The following ZNF407 variants were observed in gnomAD, a reference collection of about 807,000 sequenced individuals.
The protein encoded by ZNF407 is zinc finger protein 407.
In ZNF407, 17 loss-of-function variants were observed where a neutral mutation model predicts 131.2. The ratio of observed to expected loss-of-function variants is 0.13; its 90% CI spans 0.09 to 0.19. The LOEUF (loss-of-function observed/expected upper bound fraction) is 0.19, where lower values mean the gene tolerates loss of function less well. ZNF407 is among the 10% of genes least tolerant of loss of function. ZNF407 has a pLI of 1.00. For synonymous variants in ZNF407, 1,156 were observed against 1,062.0 expected (o/e 1.09, Z -1.72); for missense variants, 2,681 against 2,830.6 (o/e 0.95, Z 1.20).
At position 74,952,238 on chromosome 18, in the gene ZNF407, C is replaced by G. The variant is rs201240105; in HGVS notation, c.5428+31546C>G. On this transcript the variant is annotated intron_variant, in intron 8 of 8. Transcript: ENST00000299687. Reference sequence around the variant, plus strand: ...AGTGAATTTCCTCAAATTTATGATACTCTCTATGAACCTTTGGTAGCTAAT... The same window carrying G: ...AGTGAATTTCCTCAAATTTATGATAGTCTCTATGAACCTTTGGTAGCTAAT... Among the ~76,000 whole-genome samples the G allele has an allele frequency of 9.8e-5, 15 of 152,316 alleles. No homozygotes were observed. The East Asian group carries it at 2.9e-3, about 29-fold the overall frequency.
intron 8 of ZNF407, among the ~76,000 whole-genome samples, chr18:74,942,836 T>C (rs1172080178): frequency 6.6e-6 from 1 of 152,242 alleles, no homozygotes; most frequent in East Asian, 1.9e-4. Context: ...GAGAATCCAC[T>C]TCTTTTCGAG....
At chr18:74,800,939 AACAG>A (rs1383259445) in intron 4 of ZNF407, among the ~76,000 whole-genome samples, 4 of 152,146 alleles carry the variant, frequency 2.6e-5, no homozygotes, top group Non-Finnish European at 4.4e-5. Flanking sequence ...ATAGCTTGTT[AACAG>A]ACAGATTCAT....
intron 1 of ZNF407, among the ~76,000 whole-genome samples, chr18:74,602,964 G>T (rs748730086): frequency 6.6e-6 from 1 of 151,008 alleles, no homozygotes; most frequent in Non-Finnish European, 1.5e-5. Flanking sequence ...CCCTGAGCAT[G>T]CCCAGGTGTG....
intron 8 of ZNF407, among the ~76,000 whole-genome samples, chr18:75,019,827 G>GGA (rs367722392): frequency 4.6e-5 from 7 of 151,844 alleles, no homozygotes; most frequent in Non-Finnish European, 1.0e-4. Flanking sequence ...CATGGTGGCA[G>GGA]GAGAGAGAGA....
rs146950123 is a variant in ZNF407 at position 75,022,920 on chromosome 18, G to A, written c.5429-40230G>A. Among the ~76,000 whole-genome samples the A allele has an allele frequency of 2.5e-3, 379 of 152,218 alleles. 1 individual carries two copies. Among genetic ancestry groups the A allele is most frequent in the Non-Finnish European group, 4.7e-3 (320 of 68,020 alleles). On this transcript the variant is annotated intron_variant, in intron 8 of 8. Coordinates refer to ENST00000299687, the MANE Select transcript of ZNF407 (RefSeq NM_017757.3). ...GCACTATTAACAATAGCAAAGACAC[G>A]GAGTTGACCCAGATGCTCATCAGTG...
At chr18:74,992,431 G>C (rs1025040782) in intron 8 of ZNF407, among the ~76,000 whole-genome samples, 5 of 152,156 alleles carry the variant, frequency 3.3e-5, no homozygotes, top group African/African-American at 1.2e-4. Flanking sequence ...TAGAGAACTC[G>C]TTGTGGGTCC....
chr18:74,639,046 G>A (rs930135025), intron 2 of ZNF407, among the ~76,000 whole-genome samples: 1 of 152,138 alleles, frequency 6.6e-6, no homozygotes, highest in Non-Finnish European at 1.5e-5. Context: ...CCATGATTCT[G>A]GGTGAAGCAG....
Position 74,690,076 on chromosome 18 carries a change from G to A in ZNF407, c.4802+48954G>A, listed in dbSNP as rs546455418. On this transcript the variant is annotated intron_variant, in intron 3 of 8. Transcript: ENST00000299687. ...CTAAAAAAAAGCTAAATTGCCAAAC[G>A]CTTGTGATGTTATCTTGGATCAATA... is the stretch of plus-strand genomic sequence containing the variant. 2.0e-3 allele frequency among the ~76,000 whole-genome samples: 306 copies of A among 152,208 alleles called. 1 individual carries two copies. The highest frequency in any genetic ancestry group is 2.8e-3 in the Non-Finnish European group (192 of 68,006).
chr18:74,931,955 A>T (rs1290539060), intron 8 of ZNF407, among the ~76,000 whole-genome samples: 1 of 152,112 alleles, frequency 6.6e-6, no homozygotes, highest in East Asian at 1.9e-4. Flanking sequence ...ATGATTTGCA[A>T]ATATTTTCTC....
At chr18:74,658,141 C>G (rs1415778494) in intron 3 of ZNF407, among the ~76,000 whole-genome samples, 2 of 150,296 alleles carry the variant, frequency 1.3e-5, no homozygotes, top group Non-Finnish European at 3.0e-5. Flanking sequence ...GAGACGGAGC[C>G]TCGCTCTGTA....
chr18:74,634,488 A>C lies in ZNF407; in HGVS notation c.3469A>C (p.Asn1157His), dbSNP rs1192031257. Residue 1157 changes from asparagine to histidine, a missense_variant, in exon 2 of 9, where the codon AAT becomes CAT. Around this residue, in one of 6 missense-constraint regions of ZNF407, gnomAD observed 1,789 missense variants for 1,748.7 expected, o/e 1.02. Coordinates refer to ENST00000299687, the MANE Select transcript of ZNF407 (RefSeq NM_017757.3). ...SVEVETEEES[N>H]FNEDHSFCET... is the part of the protein sequence containing the mutation. ...AGAAGTTGAGACTGAAGAAGAATCT[A>C]ATTTCAATGAAGACCATTCCTTTTG... 1.9e-6 allele frequency: 3 copies of C among 1,613,822 alleles called. No individual in the cohort carries two copies. Among genetic ancestry groups the C allele is most frequent in the East Asian group, 2.2e-5 (1 of 44,880 alleles).
At chr18:74,600,854 A>G (rs899571886) in intron 1 of ZNF407, among the ~76,000 whole-genome samples, 4 of 152,230 alleles carry the variant, frequency 2.6e-5, no homozygotes, top group African/African-American at 4.8e-5. Flanking sequence ...GAAGAAATGT[A>G]GGCAGCATAG....
chr18:74,873,983 T>C (rs1167669757), intron 4 of ZNF407, among the ~76,000 whole-genome samples: 1 of 152,194 alleles, frequency 6.6e-6, no homozygotes, highest in Non-Finnish European at 1.5e-5. Context: ...TTGAAACCTT[T>C]AAGATCTCTT....
intron 8 of ZNF407, among the ~76,000 whole-genome samples, chr18:74,933,173 G>A (rs960979470): frequency 1.3e-5 from 2 of 152,100 alleles, no homozygotes; most frequent in African/African-American, 2.4e-5. Flanking sequence ...GATCAACAAA[G>A]TTTGTTATAT....
chr18:74,711,429 A>T (rs998321264), intron 3 of ZNF407, among the ~76,000 whole-genome samples: 1 of 152,224 alleles, frequency 6.6e-6, no homozygotes, highest in African/African-American at 2.4e-5. Context: ...AAGAGAAGGT[A>T]TGATGACACA....
At chr18:74,636,223 A>G (rs973639632) in intron 2 of ZNF407, among the ~76,000 whole-genome samples, 3 of 152,290 alleles carry the variant, frequency 2.0e-5, no homozygotes, top group East Asian at 1.9e-4. Flanking sequence ...CCACTTTCCA[A>G]AGTTAACATG....
At position 74,634,897 on chromosome 18, in the gene ZNF407, A is replaced by C; in HGVS notation, c.3878A>C (p.Asp1293Ala). The C allele has an allele frequency of 6.2e-7, 1 of 1,613,646 alleles. No individual in the cohort carries two copies. The change falls in exon 2 of 9, where the codon GAC (aspartate) becomes GCC (alanine). Residue 1293 changes from aspartate (D) to alanine (A), a missense_variant. Transcript: ENST00000299687. Reference protein sequence around the residue: ...NRVARGHGLEDLKGVQEDPVL... With the variant: ...NRVARGHGLEALKGVQEDPVL... ...GTTGCACGTGGGCATGGTTTGGAAG[A>C]CTTGAAAGGTGTCCAAGAAGATCCC...
At chr18:74,944,323 T>G (rs2145271534) in intron 8 of ZNF407, among the ~76,000 whole-genome samples, 1 of 152,352 alleles carries the variant, frequency 6.6e-6, no homozygotes, top group Middle Eastern at 3.4e-3. Context: ...TTCTATTACC[T>G]GACAGCAATT....
At chr18:74,962,677 C>T (rs998292556) in intron 8 of ZNF407, among the ~76,000 whole-genome samples, 1 of 152,250 alleles carries the variant, frequency 6.6e-6, no homozygotes, top group African/African-American at 2.4e-5. Flanking sequence ...ACATACAGCA[C>T]CCTCTTCCCT....
Sources: gnomAD v4.1 joint callset for allele counts (sites outside exome capture counted in the v4.1 genomes callset) on GRCh38, gnomAD v4.1.1 for gene constraint, gnomAD v4.1.1 regional missense constraint, MANE v1.5 for transcripts, NCBI Gene and HGNC (gene_info 2026-07-23, HGNC 2026-07-21) for gene names.